Variants in PCDH15 observed in about 807,000 individuals in gnomAD.
The protein encoded by PCDH15 is protocadherin related 15, also known as protocadherin-15.
A neutral mutation model predicts 178.5 loss-of-function variants in PCDH15; 129 were observed. That is an observed-to-expected ratio of 0.72 (90% CI 0.63 to 0.84). PCDH15 has a LOEUF of 0.84. Ranked by LOEUF, PCDH15 falls within the 40% of genes least tolerant of loss-of-function variation. The pLI, the probability that PCDH15 is intolerant of heterozygous loss-of-function variation, is 0.00. For synonymous variants in PCDH15, 800 were observed against 732.0 expected (o/e 1.09, Z -1.50); for missense variants, 2,230 against 2,099.9 (o/e 1.06, Z -1.21).
At chr10:54,353,729 G>T (rs1944523457) in intron 5 of PCDH15, among the ~76,000 whole-genome samples, 1 of 151,610 alleles carries the variant, frequency 6.6e-6, no homozygotes, top group Non-Finnish European at 1.5e-5. Context: ...ACATAATATG[G>T]TTTTCATACC....
intron 28 of PCDH15, among the ~76,000 whole-genome samples, chr10:53,849,109 CAAAAGTTTGAATACTAA>C (rs1400826961): frequency 6.6e-6 from 1 of 151,782 alleles, no homozygotes; most frequent in Non-Finnish European, 1.5e-5. Flanking sequence ...CCATTGTCTC[CAAAAGTTTGAATACTAA>C]AAAAGTAAAA....
intron 26 of PCDH15, among the ~76,000 whole-genome samples, chr10:53,885,358 A>G (rs2081017022): frequency 6.6e-6 from 1 of 152,086 alleles, no homozygotes; most frequent in Admixed American, 6.5e-5. Flanking sequence ...ATTTTATGAT[A>G]TACTGTGGTA....
intron 15 of PCDH15, among the ~76,000 whole-genome samples, chr10:54,127,609 T>G (rs12253537): frequency 0.028 from 4,338 of 152,220 alleles, 213 homozygotes; most frequent in African/African-American, 0.098. Context: ...CTGAGTATTT[T>G]GTTTAATTTT....
intron 3 of PCDH15, among the ~76,000 whole-genome samples, chr10:54,512,362 TG>T (rs758973667): frequency 0.15 from 12,979 of 83,874 alleles, 826 homozygotes; most frequent in East Asian, 0.49. Context: ...TCTGGCATTG[TG>T]TGTGTGTGTG....
chr10:54,887,791 G>A (rs2131812529), intron 3 of PCDH15, among the ~76,000 whole-genome samples: 1 of 135,274 alleles, frequency 7.4e-6, no homozygotes, highest in South Asian at 2.4e-4. Context: ...CAGTGAGATA[G>A]TTAATTATAG....
At chr10:55,023,778 C>T (rs1840398489) in intron 2 of PCDH15, among the ~76,000 whole-genome samples, 1 of 151,080 alleles carries the variant, frequency 6.6e-6, no homozygotes, top group African/African-American at 2.4e-5. Flanking sequence ...TAACTGTGTA[C>T]ACATATACAC....
At chr10:54,654,151 C>T (rs1253718056) in intron 2 of PCDH15, among the ~76,000 whole-genome samples, 2 of 152,184 alleles carry the variant, frequency 1.3e-5, no homozygotes, top group Non-Finnish European at 2.9e-5. Context: ...ATTGCTCACT[C>T]CACCCACCAG....
intron 3 of PCDH15, among the ~76,000 whole-genome samples, chr10:54,883,773 T>C (rs571922866): frequency 6.6e-6 from 1 of 152,110 alleles, no homozygotes; most frequent in African/African-American, 2.4e-5. Flanking sequence ...TCAGAGTATT[T>C]TTCAGTCATG....
chr10:54,948,477 T>C (rs1838247787), intron 2 of PCDH15, among the ~76,000 whole-genome samples: 1 of 151,984 alleles, frequency 6.6e-6, no homozygotes. Flanking sequence ...AATGAGACAT[T>C]ATTTCTGAGT....
At chr10:54,340,202 AT>A (rs1209118841) in intron 6 of PCDH15, among the ~76,000 whole-genome samples, 3 of 152,086 alleles carry the variant, frequency 2.0e-5, no homozygotes, top group Non-Finnish European at 2.9e-5. Flanking sequence ...TTAAACTTTC[AT>A]TTTTTTCTTT....
intron 1 of PCDH15, among the ~76,000 whole-genome samples, chr10:54,754,402 A>G (rs1281687037): frequency 6.6e-6 from 1 of 152,184 alleles, no homozygotes; most frequent in South Asian, 2.1e-4. Flanking sequence ...AATATCTAAT[A>G]TCACTACATA....
chr10:55,555,364 A>G (rs952214283), intron 2 of PCDH15, among the ~76,000 whole-genome samples: 3 of 152,068 alleles, frequency 2.0e-5, no homozygotes, highest in African/African-American at 7.2e-5. Flanking sequence ...TTTCAACTAC[A>G]TCACCCAGTA....
rs1209765760 is a variant in PCDH15 at position 54,183,513 on chromosome 10, T to C, written c.1521A>G (p.Pro507=). ...CATCATAGGATATTTCAGGGAAGGT[T>C]GGCGTGTTATCATTTGCATCCATCA... The part of the protein sequence containing the change: ...IQVMDANDNT[P]TFPEISYDVY... The change falls in exon 13 of 38, where the codon CCA becomes CCG. Residue 507 remains proline (P), a synonymous_variant. Transcript: ENST00000644397. 6.2e-6 allele frequency: 10 copies of C among 1,613,840 alleles called. 1 individual carries two copies. The South Asian group carries it at 8.8e-5, about 14-fold the overall frequency.
intron 35 of PCDH15, among the ~76,000 whole-genome samples, chr10:53,812,401 G>C (rs2075901836): frequency 6.6e-6 from 1 of 151,668 alleles, no homozygotes; most frequent in Non-Finnish European, 1.5e-5. Flanking sequence ...TTTTGGTAGA[G>C]ACGGGGTTTC....
chr10:55,019,946 T>C (rs756637177), intron 2 of PCDH15, among the ~76,000 whole-genome samples: 1 of 146,532 alleles, frequency 6.8e-6, no homozygotes, highest in Non-Finnish European at 1.5e-5. Flanking sequence ...GAAACTCTAC[T>C]ACTCTTGAAC....
At chr10:54,021,483 A>C (rs368566531) in intron 19 of PCDH15, among the ~76,000 whole-genome samples, 5 of 152,034 alleles carry the variant, frequency 3.3e-5, no homozygotes, top group African/African-American at 1.2e-4. Flanking sequence ...ATTATCCTTA[A>C]CATGGTAAGA....
intron 2 of PCDH15, among the ~76,000 whole-genome samples, chr10:54,582,806 A>G (rs1007060389): frequency 1.3e-5 from 2 of 152,106 alleles, no homozygotes; most frequent in African/African-American, 2.4e-5. Context: ...CAGGAGGATC[A>G]CATGAGCCCA....
chr10:54,711,111 G>A (rs2132357188), intron 1 of PCDH15, among the ~76,000 whole-genome samples: 1 of 152,090 alleles, frequency 6.6e-6, no homozygotes. Context: ...TCTGCTAAAA[G>A]GGTAAGAGGC....
intron 2 of PCDH15, among the ~76,000 whole-genome samples, chr10:55,042,324 A>G (rs978882210): frequency 1.3e-5 from 2 of 152,184 alleles, no homozygotes; most frequent in Non-Finnish European, 2.9e-5. Flanking sequence ...ACATCATGAA[A>G]TAGAAACTAT....
Sources: allele counts gnomAD v4.1 joint callset (sites outside exome capture counted in the v4.1 genomes callset), GRCh38; gene constraint gnomAD v4.1.1; transcripts MANE v1.5; gene names NCBI Gene and HGNC (gene_info 2026-07-23, HGNC 2026-07-21).